The following PID1 variants were observed in gnomAD, a reference collection of about 807,000 sequenced individuals.
PID1 encodes the protein phosphotyrosine interaction domain containing 1.
In PID1, 10 loss-of-function variants were observed where a neutral mutation model predicts 19.1. That is an observed-to-expected ratio of 0.52 (90% CI 0.32 to 0.89). PID1 has a LOEUF of 0.89. PID1 is among the 40% of genes least tolerant of loss of function. The pLI is 0.03. For missense variants in PID1, 248 were observed against 285.3 expected, an observed-to-expected ratio of 0.87 and a Z score of 0.94; for synonymous variants, 130 against 116.0, an observed-to-expected ratio of 1.12 and a Z score of -0.78.
intron 1 of PID1, among the ~76,000 whole-genome samples, chr2:229,253,694 T>C (rs947785450): frequency 1.6e-4 from 24 of 152,096 alleles, no homozygotes; most frequent in Middle Eastern, 3.4e-3. Context: ...TGTGCGTCCA[T>C]AGGTTTCTGG....
rs369766404 is a variant in PID1 at position 229,167,430 on chromosome 2, TGTAGTAGTCC to T, written c.31-11476_31-11467del. Among the ~76,000 whole-genome samples the T allele has an allele frequency of 1.6e-3, 238 of 152,272 alleles. 1 individual carries two copies. The highest frequency in any genetic ancestry group is 5.3e-3 in the African/African-American group (220 of 41,568). On this transcript the variant is annotated intron_variant, in intron 1 of 2. Transcript: ENST00000392055. The stretch of plus-strand genomic sequence containing the variant: ...ACTGAGAAGGTTACAACGCCACTTC[TGTAGTAGTCC>T]TGCCAAAAAATGCATAACCTGAATG...
chr2:229,197,787 A>C (rs917772840), intron 1 of PID1, among the ~76,000 whole-genome samples: 2 of 151,918 alleles, frequency 1.3e-5, no homozygotes, highest in Non-Finnish European at 2.9e-5. Flanking sequence ...CCGAGGCTGT[A>C]TATGTTTTTA....
intron 2 of PID1, among the ~76,000 whole-genome samples, chr2:229,029,329 A>G (rs1358712792): frequency 6.6e-6 from 1 of 152,066 alleles, no homozygotes; most frequent in Non-Finnish European, 1.5e-5. Context: ...AAAAAAAAAA[A>G]AAAACATGAA....
chr2:229,197,356 C>A (rs1691399592), intron 1 of PID1, among the ~76,000 whole-genome samples: 1 of 151,978 alleles, frequency 6.6e-6, no homozygotes, highest in African/African-American at 2.4e-5. Flanking sequence ...TTTTGTGTTA[C>A]AGCATAGTCT....
intron 2 of PID1, among the ~76,000 whole-genome samples, chr2:229,085,074 T>C (rs1025542838): frequency 1.3e-5 from 2 of 152,062 alleles, no homozygotes; most frequent in African/African-American, 2.4e-5. Context: ...ACTAGGAAAA[T>C]GATACAAGAT....
Position 229,147,123 on chromosome 2 carries a change from G to A in PID1, c.177+8695C>T, listed in dbSNP as rs1003794336. ...TTTACAATTACTATGCTGAGCACATGAGGCAAGTCTGACACCAGACAAATC... is the reference window on the plus strand; with the variant it reads ...TTTACAATTACTATGCTGAGCACATAAGGCAAGTCTGACACCAGACAAATC... On this transcript the variant is annotated intron_variant, in intron 2 of 2. Transcript: ENST00000392055. 2.0e-5 allele frequency among the ~76,000 whole-genome samples: 3 copies of A among 152,212 alleles called. No individual in the cohort carries two copies. In the East Asian group the frequency reaches 5.8e-4, roughly 29 times the overall value.
chr2:229,124,545 A>G (rs1420148581), intron 2 of PID1, among the ~76,000 whole-genome samples: 1 of 152,186 alleles, frequency 6.6e-6, no homozygotes, highest in Non-Finnish European at 1.5e-5. Context: ...CCCTAATCAC[A>G]AATTAAAGTC....
chr2:229,071,653 AACC>A (rs1403846509), intron 2 of PID1, among the ~76,000 whole-genome samples: 2 of 152,248 alleles, frequency 1.3e-5, no homozygotes, highest in African/African-American at 4.8e-5. Context: ...GTGTAATTAA[AACC>A]CCAGGATAAA....
At chr2:229,218,717 A>G (rs1392675262) in intron 1 of PID1, among the ~76,000 whole-genome samples, 1 of 152,322 alleles carries the variant, frequency 6.6e-6, no homozygotes, top group East Asian at 1.9e-4. Context: ...GGAAGAAAGA[A>G]GGAGTGGACT....
At chr2:229,205,245 TAC>T (rs1189711727) in intron 1 of PID1, among the ~76,000 whole-genome samples, 5 of 138,580 alleles carry the variant, frequency 3.6e-5, no homozygotes, top group Non-Finnish European at 8.0e-5. Flanking sequence ...ACATACTACA[TAC>T]ACACACATAC....
chr2:229,138,007 T>G (rs530000473), intron 2 of PID1, among the ~76,000 whole-genome samples: 1 of 152,310 alleles, frequency 6.6e-6, no homozygotes, highest in East Asian at 1.9e-4. Flanking sequence ...CAAAGGGGTA[T>G]AGATTCCCTT....
chr2:229,250,841 G>A (rs1346967761), intron 1 of PID1, among the ~76,000 whole-genome samples: 1 of 152,102 alleles, frequency 6.6e-6, no homozygotes, highest in Non-Finnish European at 1.5e-5. Flanking sequence ...TTCCCCTGTA[G>A]TAACATGGAT....
chr2:229,233,769 G>A (rs1325544950), intron 1 of PID1, among the ~76,000 whole-genome samples: 1 of 152,198 alleles, frequency 6.6e-6, no homozygotes, highest in Non-Finnish European at 1.5e-5. Flanking sequence ...TGGGATTACA[G>A]GTGTGAGCCA....
At chr2:229,139,155 G>GAAAGAA (rs1559252010) in intron 2 of PID1, among the ~76,000 whole-genome samples, 1 of 112,746 alleles carries the variant, frequency 8.9e-6, no homozygotes, top group Non-Finnish European at 1.9e-5. Context: ...GAAAGCAAGC[G>GAAAGAA]AGCGAGCAAG....
intron 1 of PID1, among the ~76,000 whole-genome samples, chr2:229,181,498 C>T (rs1690945934): frequency 6.6e-6 from 1 of 152,164 alleles, no homozygotes; most frequent in Non-Finnish European, 1.5e-5. Context: ...TATCCATCAG[C>T]AAATATCTTT....
At chr2:229,172,397 A>G (rs1690728235) in intron 1 of PID1, among the ~76,000 whole-genome samples, 1 of 152,204 alleles carries the variant, frequency 6.6e-6, no homozygotes, top group African/African-American at 2.4e-5. Flanking sequence ...CAACAGTGCC[A>G]TGCTCTTTTT....
At chr2:229,128,732 C>G (rs1482191552) in intron 2 of PID1, among the ~76,000 whole-genome samples, 1 of 152,024 alleles carries the variant, frequency 6.6e-6, no homozygotes, top group Non-Finnish European at 1.5e-5. Flanking sequence ...TTTCTGTAAT[C>G]CTTATTTATT....
chr2:229,092,465 C>A (rs541386416), intron 2 of PID1, among the ~76,000 whole-genome samples: 12 of 152,226 alleles, frequency 7.9e-5, no homozygotes, highest in African/African-American at 2.9e-4. Context: ...AAAAGAGAGC[C>A]GCTATGGTGC....
At chr2:229,045,201 G>T (rs897364762) in intron 2 of PID1, among the ~76,000 whole-genome samples, 2 of 152,148 alleles carry the variant, frequency 1.3e-5, no homozygotes, top group African/African-American at 4.8e-5. Flanking sequence ...TGATCCACCC[G>T]CCTTGGCCTC....
Sources: allele counts gnomAD v4.1 joint callset (sites outside exome capture counted in the v4.1 genomes callset), GRCh38; gene constraint gnomAD v4.1.1; transcripts MANE v1.5; gene names NCBI Gene and HGNC (gene_info 2026-07-23, HGNC 2026-07-21).